OSMR: variants seen among roughly 807,000 people sequenced by gnomAD.
The protein encoded by OSMR is oncostatin-M-specific receptor subunit beta.
A neutral mutation model predicts 99.9 loss-of-function variants in OSMR; 81 were observed. The observed-to-expected ratio is 0.81, with a 90% CI of 0.68 to 0.97. OSMR has a LOEUF of 0.97. OSMR is among the 50% of genes least tolerant of loss of function. OSMR has a pLI of 0.00. For missense variants in OSMR, 1,099 were observed against 1,153.4 expected (o/e 0.95, Z 0.68); for synonymous variants, 406 against 410.4 (o/e 0.99, Z 0.13).
chr5:38,846,558 C>T (rs1739835222), intron 1 of OSMR, among the ~76,000 whole-genome samples, 171 bp downstream of exon 1: 1 of 152,188 alleles, frequency 6.6e-6, no homozygotes, highest in South Asian at 2.1e-4. Context: ...CCCAACACAT[C>T]GTGTGGAGGA....
intron 1 of OSMR, among the ~76,000 whole-genome samples, chr5:38,859,445 T>C (rs187128599): frequency 6.6e-6 from 1 of 152,180 alleles, no homozygotes; most frequent in South Asian, 2.1e-4. Context: ...TCTAATCTCA[T>C]AAATTGGTGT....
At chr5:38,903,857 T>C (rs1483794629) in intron 7 of OSMR, 25 bp from the exon 8 acceptor site, 67 of 1,599,978 alleles carry the variant, frequency 4.2e-5, no homozygotes, top group Non-Finnish European at 5.5e-5. Context: ...TGAATTTTTT[T>C]GTTTCTTTTT....
At chr5:38,866,961 C>G (rs546099204) in intron 1 of OSMR, among the ~76,000 whole-genome samples, 1 of 152,170 alleles carries the variant, frequency 6.6e-6, no homozygotes, top group Non-Finnish European at 1.5e-5. Flanking sequence ...CTTTACCTCT[C>G]TCTCCTTCTC....
intron 1 of OSMR, among the ~76,000 whole-genome samples, chr5:38,862,240 G>A (rs1260889131): frequency 1.8e-5 from 2 of 112,982 alleles, no homozygotes; most frequent in Non-Finnish European, 3.7e-5. Context: ...TGGCTGGGCG[G>A]GGGGCTGACC....
chr5:38,926,571 C>T (rs1746484532), intron 15 of OSMR, among the ~76,000 whole-genome samples: 1 of 152,166 alleles, frequency 6.6e-6, no homozygotes. Flanking sequence ...CTTGTGAGAA[C>T]TCACCTACTA....
intron 7 of OSMR, among the ~76,000 whole-genome samples, chr5:38,896,754 C>A (rs1011258039): frequency 2.0e-5 from 3 of 151,950 alleles, no homozygotes; most frequent in African/African-American, 7.2e-5. Flanking sequence ...TTCAGTTTTT[C>A]CCCATTCAGT....
intron 7 of OSMR, among the ~76,000 whole-genome samples, chr5:38,887,214 T>C (rs1286913465): frequency 6.6e-6 from 1 of 152,186 alleles, no homozygotes; most frequent in Non-Finnish European, 1.5e-5. Context: ...TTCTTTTATA[T>C]GTCTATTGAT....
exon 3 of OSMR, chr5:38,944,953 T>C: frequency 1.2e-6 from 2 of 1,614,090 alleles, no homozygotes; most frequent in Non-Finnish European, 1.7e-6. Flanking sequence ...TAGCTGAGCC[T>C]TCTTGAGACA....
At chr5:38,920,367 A>G (rs1442791055) in intron 11 of OSMR, among the ~76,000 whole-genome samples, 2 of 152,148 alleles carry the variant, frequency 1.3e-5, no homozygotes, top group Non-Finnish European at 2.9e-5. Flanking sequence ...TCTTTGATCT[A>G]CCTCCATCTC....
intron 11 of OSMR, among the ~76,000 whole-genome samples, chr5:38,920,703 GC>G (rs1177280009): frequency 6.6e-6 from 1 of 152,174 alleles, no homozygotes; most frequent in Non-Finnish European, 1.5e-5. Flanking sequence ...AATACAGGAT[GC>G]CCAGTTAAAT....
chr5:38,945,412 CAAA>C, downstream of OSMR: 1 of 989,268 alleles, frequency 1.0e-6, no homozygotes, highest in Non-Finnish European at 1.5e-6. Context: ...ATTAGAATAC[CAAA>C]AAGAAATTTG....
chr5:38,937,751 TAAG>T (rs1747130167), downstream of OSMR, among the ~76,000 whole-genome samples: 1 of 152,214 alleles, frequency 6.6e-6, no homozygotes, highest in Non-Finnish European at 1.5e-5. The surrounding 1 kb of genome is among the most constrained non-coding windows in gnomAD (Gnocchi z 4.0). Flanking sequence ...ATGAAGTGTT[TAAG>T]AAGAGTATTA....
rs768304533 is a variant in OSMR, at chr5:38,876,235, A to G, written c.108A>G (p.Ser36=). 4.3e-6 allele frequency: 7 copies of G among 1,613,756 alleles called. No individual in the cohort carries two copies. Among genetic ancestry groups the G allele is most frequent in the Non-Finnish European group, 5.9e-6 (7 of 1,179,754 alleles). ...LAERLPLTPV[S]LKVSTNSTRQ... ...AACGTTTACCATTGACTCCTGTATC[A>G]CTTAAAGTTTCCACCAATTCTACGC... Residue 36 remains serine (S), a synonymous_variant, in exon 3 of 18, where the codon TCA becomes TCG. Coordinates refer to ENST00000274276, the MANE Select transcript of OSMR (RefSeq NM_003999.3).
At position 38,932,981 on chromosome 5, in the gene OSMR, C is replaced by T. The variant is rs1007215542; in HGVS notation, c.2477C>T (p.Ser826Leu). Reference protein sequence around the residue: ...TKIQFLGTRKSLTETELTKPN... With the variant: ...TKIQFLGTRKLLTETELTKPN... Reference sequence around the variant, plus strand: ...ATACAGTTCCTAGGCACTAGGAAGTCACTCACAGAAACCGAGTTGACTAAG... The same window carrying T: ...ATACAGTTCCTAGGCACTAGGAAGTTACTCACAGAAACCGAGTTGACTAAG... The change falls in exon 18 of 18, where the codon TCA (serine) becomes TTA (leucine). Residue 826 changes from serine (S) to leucine (L), a missense_variant. Coordinates refer to ENST00000274276, the MANE Select transcript of OSMR (RefSeq NM_003999.3). 3 of 1,613,984 alleles carry T rather than the reference C, an allele frequency of 1.9e-6. No individual in the cohort carries two copies. In the African/African-American group the frequency reaches 4.0e-5, roughly 22 times the overall value.
Position 38,885,977 on chromosome 5 carries a change from C to A in OSMR, c.840-62C>A. On this transcript the variant is annotated intron_variant, in intron 6 of 17. Coordinates refer to ENST00000274276, the MANE Select transcript of OSMR (RefSeq NM_003999.3). ...AGTATGCCCTGAGGGATAAGGGATACATTTGCTTTGACAAAAGTAAAAACC... is the reference window on the plus strand; with the variant it reads ...AGTATGCCCTGAGGGATAAGGGATAAATTTGCTTTGACAAAAGTAAAAACC... 1.9e-6 allele frequency: 3 copies of A among 1,598,102 alleles called. No homozygotes were observed. In the South Asian group the frequency reaches 3.4e-5, roughly 18 times the overall value.
chr5:38,919,446 G>T lies in OSMR; in HGVS notation c.1585+384G>T, dbSNP rs114037017. On this transcript the variant is annotated intron_variant, in intron 11 of 17. Transcript: ENST00000274276. ...TACTATTTTGTAAAAAGTGTTGTCAGTCTTTGCACCTGGAAAGAGTCCATG... is the reference window on the plus strand; with the variant it reads ...TACTATTTTGTAAAAAGTGTTGTCATTCTTTGCACCTGGAAAGAGTCCATG... The T allele has an allele frequency of 1.2e-3, 1,095 of 921,814 alleles. 13 individuals carry two copies. The African/African-American group carries it at 0.017, about 14-fold the overall frequency. The allele number at this position is 921,814 out of a possible 1,614,324, so 57.1% of individuals were successfully genotyped here.
At chr5:38,919,967 G>A (rs1450725424) in intron 11 of OSMR, among the ~76,000 whole-genome samples, 3 of 152,182 alleles carry the variant, frequency 2.0e-5, no homozygotes, top group African/African-American at 7.2e-5. Context: ...TGGTTTAGGA[G>A]TTGTTTAGTG....
intron 1 of OSMR, among the ~76,000 whole-genome samples, chr5:38,853,295 A>T (rs1740578642): frequency 6.6e-6 from 1 of 152,228 alleles, no homozygotes; most frequent in Admixed American, 6.5e-5. Flanking sequence ...ATTAACATTA[A>T]CTGGGTTTGC....
At chr5:38,909,973 C>G (rs543264790) in intron 9 of OSMR, among the ~76,000 whole-genome samples, 2 of 152,194 alleles carry the variant, frequency 1.3e-5, no homozygotes, top group Admixed American at 6.5e-5. Context: ...ATGCTGTCTA[C>G]AGGAGACCTA....
Sources: gnomAD v4.1 joint callset for allele counts (sites outside exome capture counted in the v4.1 genomes callset) on GRCh38, gnomAD v4.1.1 for gene constraint, Gnocchi (gnomAD v3.1) non-coding constraint, MANE v1.5 for transcripts, NCBI Gene and HGNC (gene_info 2026-07-23, HGNC 2026-07-21) for gene names.